FAM162B: variants seen among roughly 807,000 people sequenced by gnomAD.
FAM162B encodes the protein family with sequence similarity 162 member B.
In FAM162B, 16 loss-of-function variants were observed where a neutral mutation model predicts 20.0. That is an observed-to-expected ratio of 0.80 (90% CI 0.54 to 1.21). The LOEUF is 1.21. FAM162B is among the 50% of genes most tolerant of loss of function. The probability of loss-of-function intolerance (pLI) is 0.00; values close to 1 mark genes in which losing one functional copy is unlikely to be tolerated. For missense variants in FAM162B, 260 were observed against 227.5 expected (o/e 1.14, Z -0.92); for synonymous variants, 83 against 89.7 (o/e 0.93, Z 0.42).
intron 3 of FAM162B, among the ~76,000 whole-genome samples, chr6:116,757,315 C>T (rs1445733566): frequency 6.6e-6 from 1 of 151,622 alleles, no homozygotes; most frequent in Non-Finnish European, 1.5e-5. Context: ...AATATAAAAT[C>T]GCAAAATTGT....
intron 3 of FAM162B, among the ~76,000 whole-genome samples, 179 bp from the exon 4 acceptor site, chr6:116,752,874 A>G (rs1780009065): frequency 6.6e-6 from 1 of 151,744 alleles, no homozygotes; most frequent in South Asian, 2.1e-4. Context: ...TAATAATGGG[A>G]AGAGAGAACA....
intron 3 of FAM162B, among the ~76,000 whole-genome samples, chr6:116,755,737 T>TTG (rs1780044246): frequency 6.6e-6 from 1 of 152,148 alleles, no homozygotes; most frequent in Admixed American, 6.5e-5. Flanking sequence ...AGCTGATGAC[T>TTG]TTAAGTGGAA....
rs567421924 is a variant in FAM162B, at chr6:116,765,663, T to C, written c.-87A>G. ...CAGCTCTCCTCGTCCCGCCCCGGCC[T>C]GCCGCGCGCTGGAGAGCCTGGGACG... On this transcript the variant is annotated 5_prime_UTR_variant, in exon 1 of 4. Coordinates refer to ENST00000368557, the MANE Select transcript of FAM162B (RefSeq NM_001085480.3). 2.4e-4 allele frequency: 294 copies of C among 1,235,172 alleles called. No homozygotes were observed. In the African/African-American group the frequency reaches 4.2e-3, roughly 18 times the overall value. 76.5% of individuals were successfully genotyped at this position (1,235,172 alleles called of 1,614,324 possible).
chr6:116,752,462 TAAA>T lies in FAM162B; in HGVS notation c.*132_*134del, dbSNP rs1021635907. On this transcript the variant is annotated 3_prime_UTR_variant, in exon 4 of 4. Transcript: ENST00000368557. ...GTAAAAGTTTACTAAAAAATAAAAA[TAAA>T]AAAGACATTGTGCTTCTTGTTACCA... 1.9e-5 allele frequency: 7 copies of T among 362,882 alleles called. No individual in the cohort carries two copies. Among genetic ancestry groups the T allele is most frequent in the African/African-American group, 1.5e-4 (7 of 46,564 alleles). 22.5% of individuals were successfully genotyped at this position (362,882 alleles called of 1,614,324 possible). A position where few individuals can be genotyped will look rare whatever the true frequency, so the allele number is the denominator to read the frequency against.
intron 3 of FAM162B, among the ~76,000 whole-genome samples, chr6:116,756,817 T>G (rs1373659949): frequency 1.3e-5 from 2 of 152,220 alleles, no homozygotes; most frequent in East Asian, 1.9e-4. Flanking sequence ...AACATAACTT[T>G]TATATGCATT....
At chr6:116,762,109 T>C in intron 2 of FAM162B, 24 bp from the exon 3 acceptor site, 1 of 1,510,156 alleles carries the variant, frequency 6.6e-7, no homozygotes, top group Non-Finnish European at 9.0e-7. Flanking sequence ...TGTATTTTGT[T>C]AAATATGTAA....
intron 3 of FAM162B, among the ~76,000 whole-genome samples, chr6:116,760,187 A>G (rs117897215): frequency 0.018 from 2,697 of 152,334 alleles, 29 homozygotes; most frequent in South Asian, 0.047. Flanking sequence ...AGTGTTTGCT[A>G]TCACACTTTT....
rs1037217704 is a variant in FAM162B at position 116,765,597 on chromosome 6, C to T, written c.-21G>A. ...AGCATGCTGCCCGCTTGTCCCGCGC[C>T]GCACCCGCACCTCCGGACCCAGCCA... On this transcript the variant is annotated 5_prime_UTR_variant, in exon 1 of 4. Coordinates refer to ENST00000368557, the MANE Select transcript of FAM162B (RefSeq NM_001085480.3). 4 of 1,306,014 alleles carry T rather than the reference C, an allele frequency of 3.1e-6. No homozygotes were observed. Among genetic ancestry groups the T allele is most frequent in the Non-Finnish European group, 3.9e-6 (4 of 1,033,884 alleles). 80.9% of individuals were successfully genotyped at this position (1,306,014 alleles called of 1,614,324 possible).
intron 3 of FAM162B, among the ~76,000 whole-genome samples, chr6:116,755,718 G>A (rs1780044070): frequency 6.6e-6 from 1 of 152,124 alleles, no homozygotes; most frequent in African/African-American, 2.4e-5. Flanking sequence ...CTTGTTAGGA[G>A]CTATTGGCAG....
chr6:116,755,048 T>G (rs993927386), intron 3 of FAM162B, among the ~76,000 whole-genome samples: 3 of 152,150 alleles, frequency 2.0e-5, no homozygotes, highest in African/African-American at 4.8e-5. Context: ...AATATTGAAA[T>G]TAGGCCAATT....
rs936238775 is a variant in FAM162B, at chr6:116,760,644, C to G, written c.390+1333G>C. ...GAGAATCATCAATTTGGCAGGCAGTCATTTAACGTTAGGTTAAAAACAAAA... is the reference window on the plus strand; with the variant it reads ...GAGAATCATCAATTTGGCAGGCAGTGATTTAACGTTAGGTTAAAAACAAAA... On this transcript the variant is annotated intron_variant, in intron 3 of 3. Coordinates refer to ENST00000368557, the MANE Select transcript of FAM162B (RefSeq NM_001085480.3). 2.0e-5 allele frequency among the ~76,000 whole-genome samples: 3 copies of G among 152,256 alleles called. No individual in the cohort carries two copies. The East Asian group carries it at 5.8e-4, about 29-fold the overall frequency.
At chr6:116,764,546 A>C (rs1771866943) in intron 2 of FAM162B, among the ~76,000 whole-genome samples, 1 of 152,102 alleles carries the variant, frequency 6.6e-6, no homozygotes, top group Non-Finnish European at 1.5e-5. Flanking sequence ...TGGGTTTAGC[A>C]TGCTGAAGAG....
At chr6:116,757,567 C>G (rs1375357163) in intron 3 of FAM162B, among the ~76,000 whole-genome samples, 1 of 151,590 alleles carries the variant, frequency 6.6e-6, no homozygotes, top group Non-Finnish European at 1.5e-5. Context: ...GGTGGCATGG[C>G]AAAAACTCAT....
chr6:116,756,705 C>A (rs1370330394), intron 3 of FAM162B, among the ~76,000 whole-genome samples: 1 of 152,136 alleles, frequency 6.6e-6, no homozygotes, highest in Non-Finnish European at 1.5e-5. Context: ...TTGCCACAGC[C>A]ACCCCAACCT....
At chr6:116,765,372 T>G in intron 1 of FAM162B, 33 bp downstream of exon 1, 1 of 1,488,862 alleles carries the variant, frequency 6.7e-7, no homozygotes, top group Non-Finnish European at 9.0e-7. Context: ...ACCTCCTCCC[T>G]CCCAGGACCT....
At chr6:116,753,851 T>C (rs965748076) in intron 3 of FAM162B, among the ~76,000 whole-genome samples, 2 of 152,084 alleles carry the variant, frequency 1.3e-5, no homozygotes, top group Admixed American at 1.3e-4. Flanking sequence ...TCCAGGAGAA[T>C]AGGAGAAACT....
At chr6:116,764,792 C>T (rs1771876416) in intron 2 of FAM162B, among the ~76,000 whole-genome samples, 1 of 152,186 alleles carries the variant, frequency 6.6e-6, no homozygotes, top group Non-Finnish European at 1.5e-5. Context: ...TCTGGCGTCC[C>T]GGCAGCCATC....
At chr6:116,757,260 C>G (rs1780061345) in intron 3 of FAM162B, among the ~76,000 whole-genome samples, 1 of 152,014 alleles carries the variant, frequency 6.6e-6, no homozygotes, top group South Asian at 2.1e-4. Context: ...TTTACTGGAT[C>G]TATGTATCAA....
chr6:116,757,780 T>C (rs1038007508), intron 3 of FAM162B, among the ~76,000 whole-genome samples: 1 of 139,816 alleles, frequency 7.2e-6, no homozygotes, highest in Non-Finnish European at 1.5e-5. Flanking sequence ...AGGGGTGGGG[T>C]GGGGAGACCA....
Sources: allele counts gnomAD v4.1 joint callset (sites outside exome capture counted in the v4.1 genomes callset), GRCh38; gene constraint gnomAD v4.1.1; transcripts MANE v1.5; gene names NCBI Gene and HGNC (gene_info 2026-07-23, HGNC 2026-07-21).